The following SLC16A2 variants were observed in gnomAD, a reference collection of about 807,000 sequenced individuals.
The protein encoded by SLC16A2 is solute carrier family 16 member 2, also known as monocarboxylate transporter 8.
A neutral mutation model predicts 27.2 loss-of-function variants in SLC16A2; 3 were observed. That is an observed-to-expected ratio of 0.11 (90% CI 0.05 to 0.28). The LOEUF (loss-of-function observed/expected upper bound fraction) is 0.28. SLC16A2 is among the 10% of genes least tolerant of loss of function. SLC16A2 has a pLI of 1.00. For synonymous variants in SLC16A2, 202 were observed against 187.8 expected, an observed-to-expected ratio of 1.08 and a Z score of -0.62; for missense variants, 295 against 458.5, an observed-to-expected ratio of 0.64 and a Z score of 3.26.
chrX:74,473,811 T>C (rs1929407044), intron 1 of SLC16A2: 4 of 546,762 alleles, frequency 7.3e-6, no homozygotes, highest in Admixed American at 7.1e-5. Flanking sequence ...GGATCACTCA[T>C]TACCACACAG....
At chrX:74,449,308 A>T (rs1026266034) in intron 1 of SLC16A2, among the ~76,000 whole-genome samples, 5 of 111,526 alleles carry the variant, frequency 4.5e-5, no homozygotes, top group Non-Finnish European at 7.5e-5. Context: ...TTTCTGTTCT[A>T]ATTGAGTGAT....
At chrX:74,500,645 C>T (rs1930015213) in intron 1 of SLC16A2, among the ~76,000 whole-genome samples, 1 of 111,551 alleles carries the variant, frequency 9.0e-6, no homozygotes, top group African/African-American at 3.3e-5. Context: ...TGAGAACATA[C>T]AACATTTAGT....
At chrX:74,524,864 C>T (rs773094766) in intron 3 of SLC16A2, 55 bp downstream of exon 3, 19 of 1,054,682 alleles carry the variant, frequency 1.8e-5, no homozygotes, top group Non-Finnish European at 2.5e-5. Flanking sequence ...CTACCCTCAA[C>T]CTGCCTAGAT....
At chrX:74,507,057 TC>T (rs770786008) in intron 1 of SLC16A2, among the ~76,000 whole-genome samples, 29 of 105,405 alleles carry the variant, frequency 2.8e-4, no homozygotes, top group South Asian at 8.5e-4. Flanking sequence ...CAACACCCGC[TC>T]CCCCCCCAAC....
chrX:74,467,971 C>T (rs1011274505), intron 1 of SLC16A2, among the ~76,000 whole-genome samples: 4 of 111,639 alleles, frequency 3.6e-5, no homozygotes, highest in Admixed American at 1.9e-4. Context: ...TTCAAGCCTC[C>T]AAACCACTGT....
Position 74,421,554 on chromosome X carries a change from A to AGCAGCAGCAGCT in SLC16A2, c.-73_-62dup, listed in dbSNP as rs1928292543. On this transcript the variant is annotated 5_prime_UTR_variant, in exon 1 of 6. Coordinates refer to ENST00000587091, the MANE Select transcript of SLC16A2 (RefSeq NM_006517.5). Reference sequence around the variant, plus strand: ...CGGCAGCGGCAGCAGCAGCCCTCCGAGCAGCAGCAGCTGCAGCAGCAGAAA... The same window carrying AGCAGCAGCAGCT: ...CGGCAGCGGCAGCAGCAGCCCTCCGAGCAGCAGCAGCTGCAGCAGCAGCTGCAGCAGCAGAAA... 2 of 1,102,667 alleles carry AGCAGCAGCAGCT rather than the reference A, an allele frequency of 1.8e-6. No individual in the cohort carries two copies. The highest frequency in any genetic ancestry group is 2.5e-6 in the Non-Finnish European group (2 of 808,985). 90.9% of individuals were successfully genotyped at this position (1,102,667 alleles called of 1,213,427 possible).
At chrX:74,529,517 C>A in intron 5 of SLC16A2, 76 bp downstream of exon 5, 1 of 749,615 alleles carries the variant, frequency 1.3e-6, no homozygotes, top group Non-Finnish European at 1.9e-6. Context: ...CTGAGCATCT[C>A]TCCTTGAGGC....
chrX:74,476,392 T>G (rs1176984563), intron 1 of SLC16A2, among the ~76,000 whole-genome samples: 1 of 112,009 alleles, frequency 8.9e-6, no homozygotes, highest in East Asian at 2.8e-4. Flanking sequence ...GACAATGGGA[T>G]TTTCTAGATA....
chrX:74,444,622 T>C (rs1376931026), intron 1 of SLC16A2, among the ~76,000 whole-genome samples: 1 of 112,174 alleles, frequency 8.9e-6, no homozygotes, highest in Admixed American at 9.5e-5. Flanking sequence ...TTTTTTAAAG[T>C]TTGACACAGG....
chrX:74,500,935 A>C (rs902326673), intron 1 of SLC16A2, among the ~76,000 whole-genome samples: 1 of 109,918 alleles, frequency 9.1e-6, no homozygotes, highest in African/African-American at 3.3e-5. Context: ...TCCTTCTCAA[A>C]ATTAGCATGG....
intron 1 of SLC16A2, among the ~76,000 whole-genome samples, chrX:74,434,025 G>A (rs1928578173): frequency 8.9e-6 from 1 of 112,009 alleles, no homozygotes; most frequent in Admixed American, 9.5e-5. Context: ...AAGTGTTTGT[G>A]CTCTCCCTGC....
intron 1 of SLC16A2, among the ~76,000 whole-genome samples, chrX:74,433,013 T>C (rs148700809): frequency 2.2e-3 from 241 of 111,868 alleles, no homozygotes; most frequent in African/African-American, 7.5e-3. Flanking sequence ...GTACAAGCAA[T>C]TGTGTGTGTG....
chrX:74,493,302 T>C (rs1376401976), intron 1 of SLC16A2, among the ~76,000 whole-genome samples: 5 of 112,131 alleles, frequency 4.5e-5, no homozygotes, highest in Non-Finnish European at 9.4e-5. Flanking sequence ...GAGCGTGTTG[T>C]AATCCAGTCC....
intron 1 of SLC16A2, among the ~76,000 whole-genome samples, chrX:74,484,954 C>T (rs1428316173): frequency 1.4e-4 from 16 of 111,777 alleles, no homozygotes; most frequent in African/African-American, 4.2e-4. Flanking sequence ...CAGTGGCTCA[C>T]GCCTATAATC....
At chrX:74,523,181 C>T (rs920685274) in intron 2 of SLC16A2, among the ~76,000 whole-genome samples, 1 of 112,413 alleles carries the variant, frequency 8.9e-6, no homozygotes, top group African/African-American at 3.2e-5. Flanking sequence ...GAAGAGGAAC[C>T]GTTGGCTTAG....
At chrX:74,485,413 A>G (rs1031722954) in intron 1 of SLC16A2, among the ~76,000 whole-genome samples, 1 of 109,910 alleles carries the variant, frequency 9.1e-6, no homozygotes, top group African/African-American at 3.3e-5. Flanking sequence ...TTATATATAT[A>G]TATATCTTTG....
rs144755294 is a variant in SLC16A2, at chrX:74,524,732, C to T, written c.949C>T (p.Arg317Cys). ...GAAGTACTTCAACATGCGAGTGTTCCGCCAACGCACTTACCGCATCTGGGC... is the reference window on the plus strand; with the variant it reads ...GAAGTACTTCAACATGCGAGTGTTCTGCCAACGCACTTACCGCATCTGGGC... ...LRKYFNMRVF[R>C]QRTYRIWAFG... The change falls in exon 3 of 6, where the codon CGC becomes TGC. Residue 317 changes from arginine to cysteine, a missense_variant. Physicochemically the swap from Arg to Cys is radical, Grantham distance 180. This residue lies in a region of SLC16A2 where 144 missense variants were observed against 219.8 expected (regional missense o/e 0.66). Coordinates refer to ENST00000587091, the MANE Select transcript of SLC16A2 (RefSeq NM_006517.5). The T allele has an allele frequency of 2.9e-4, 354 of 1,209,889 alleles. 2 individuals are homozygous for T. In the African/African-American group the frequency reaches 4.4e-3, roughly 15 times the overall value.
At chrX:74,448,302 A>ATTTT (rs144467927) in intron 1 of SLC16A2, among the ~76,000 whole-genome samples, 3 of 64,247 alleles carry the variant, frequency 4.7e-5, no homozygotes, top group Non-Finnish European at 8.2e-5. Flanking sequence ...AATCCTTTGG[A>ATTTT]TTTTTTTTTT....
intron 1 of SLC16A2, among the ~76,000 whole-genome samples, chrX:74,505,838 C>G (rs1226057136): frequency 1.8e-5 from 2 of 112,306 alleles, no homozygotes; most frequent in Non-Finnish European, 3.8e-5. Flanking sequence ...CTGGCTGCCT[C>G]TTTAGCTCAA....
Sources: allele counts gnomAD v4.1 joint callset (sites outside exome capture counted in the v4.1 genomes callset), GRCh38; gene constraint gnomAD v4.1.1; regional missense constraint gnomAD v4.1.1; transcripts MANE v1.5; gene names NCBI Gene and HGNC (gene_info 2026-07-23, HGNC 2026-07-21).